The following FSIP2 variants were observed in gnomAD, a reference collection of about 807,000 sequenced individuals.
FSIP2 encodes fibrous sheath-interacting protein 2.
In FSIP2, 367 loss-of-function variants were observed where a neutral mutation model predicts 510.5. The ratio of observed to expected loss-of-function variants is 0.72; its 90% CI spans 0.66 to 0.78. The LOEUF is 0.78. FSIP2 is among the 30% of genes least tolerant of loss of function. The pLI, the probability that FSIP2 is intolerant of heterozygous loss-of-function variation, is 0.00. For missense variants in FSIP2, 7,594 were observed against 7,901.7 expected (o/e 0.96, Z 1.48); for synonymous variants, 2,601 against 2,732.2 (o/e 0.95, Z 1.50).
chr2:185,789,113 A>T lies in FSIP2; in HGVS notation c.1977A>T (p.Lys659Asn), dbSNP rs780041138. 1 of 1,535,098 alleles carries T rather than the reference A, an allele frequency of 6.5e-7. No homozygotes were observed. Among genetic ancestry groups the T allele is most frequent in the African/African-American group, 1.4e-5 (1 of 72,956 alleles). The change falls in exon 16 of 23, where the codon AAA (lysine) becomes AAT (asparagine). Residue 659 changes from lysine to asparagine, a missense_variant. Coordinates refer to ENST00000424728, the MANE Select transcript of FSIP2 (RefSeq NM_173651.4). ...CATCATTTGAAACAGGCACAAAAAA[A>T]TCTAAGGATGCTACCACTGAAACAG... The part of the protein sequence containing the change: ...LLASFETGTK[K>N]SKDATTETDS...
At chr2:185,753,574 C>T in intron 7 of FSIP2, 148 bp from the exon 8 acceptor site, 3 of 448,974 alleles carry the variant, frequency 6.7e-6, no homozygotes, top group South Asian at 4.1e-5. Context: ...GGAAATTTGC[C>T]CCTTACTACT....
chr2:185,738,543 G>A, upstream of FSIP2: 2 of 1,452,626 alleles, frequency 1.4e-6, no homozygotes, highest in Non-Finnish European at 1.9e-6. Context: ...CTCCTTGGAA[G>A]CCAGGGGAAA....
intron 7 of FSIP2, among the ~76,000 whole-genome samples, chr2:185,751,363 A>G (rs1260582961): frequency 6.6e-6 from 1 of 151,416 alleles, no homozygotes; most frequent in Non-Finnish European, 1.5e-5. Context: ...TACATGTAAT[A>G]TTAACATTGC....
At chr2:185,832,199 C>T (rs1316504084) in intron 22 of FSIP2, among the ~76,000 whole-genome samples, 1 of 151,780 alleles carries the variant, frequency 6.6e-6, no homozygotes, top group African/African-American at 2.4e-5. Flanking sequence ...AAGGTTATCC[C>T]ACAGCTAACA....
At position 185,824,481 on chromosome 2, in the gene FSIP2, G is replaced by T. The variant is rs1282256645; in HGVS notation, c.20473+1G>T. ...GACCCAAGTGCTAAAATATTAGAAG[G>T]TTGGACTCCTTTTTCTTAAATTAGA... On this transcript the variant is annotated splice_donor_variant, in intron 20 of 22. Transcript: ENST00000424728. LOFTEE classifies it high-confidence loss of function. 1 of 1,557,244 alleles carries T rather than the reference G, an allele frequency of 6.4e-7. No homozygotes were observed. The highest frequency in any genetic ancestry group is 2.3e-5 in the East Asian group (1 of 43,946).
At chr2:185,782,298 G>A (rs1405908535) in intron 13 of FSIP2, among the ~76,000 whole-genome samples, 1 of 36,390 alleles carries the variant, frequency 2.7e-5, no homozygotes, top group Admixed American at 2.4e-4. Context: ...TATTTATTCA[G>A]GTACGTATCA....
At chr2:185,741,558 T>C (rs1691922671) in intron 2 of FSIP2, among the ~76,000 whole-genome samples, 1 of 152,220 alleles carries the variant, frequency 6.6e-6, no homozygotes, top group Admixed American at 6.5e-5. Context: ...GAAAGAAATA[T>C]TCAATCTACT....
Position 185,792,946 on chromosome 2 carries a change from A to C in FSIP2, c.5810A>C (p.Lys1937Thr). 1 of 1,534,284 alleles carries C rather than the reference A, an allele frequency of 6.5e-7. No homozygotes were observed. The highest frequency in any genetic ancestry group is 8.7e-7 in the Non-Finnish European group (1 of 1,145,672). ...GAAACTTTTGCTACTTCCAAAGTAA[A>C]ATCTCTCTTTTATTCTCAAGTCAAC... ...NLETFATSKV[K>T]SLFYSQVNFT... Residue 1937 changes from lysine (K) to threonine (T), a missense_variant, in exon 16 of 23, where the codon AAA becomes ACA. Physicochemically the swap from Lys to Thr is moderately conservative, Grantham distance 78. Coordinates refer to ENST00000424728, the MANE Select transcript of FSIP2 (RefSeq NM_173651.4).
In FSIP2 at chr2:185,821,259, T is replaced by C. The variant is rs188456773; in HGVS notation, c.20427-3175T>C. Among the ~76,000 whole-genome samples the C allele has an allele frequency of 7.2e-5, 11 of 151,968 alleles. No individual in the cohort carries two copies. In the East Asian group the frequency reaches 2.0e-3, roughly 27 times the overall value. ...GTCAAGACTGAATTATGCTAAACTA[T>C]AGTGAACAAATTTAGAAACAGTAAA... On this transcript the variant is annotated intron_variant, in intron 19 of 22. Transcript: ENST00000424728.
At chr2:185,811,444 G>T (rs1405989704) in intron 17 of FSIP2, among the ~76,000 whole-genome samples, 1 of 150,480 alleles carries the variant, frequency 6.6e-6, no homozygotes, top group African/African-American at 2.4e-5. Context: ...TCTCCAGCCT[G>T]GGTGACAAAG....
intron 8 of FSIP2, among the ~76,000 whole-genome samples, chr2:185,755,573 ATGT>A (rs1692230682): frequency 6.6e-6 from 1 of 151,578 alleles, no homozygotes; most frequent in African/African-American, 2.4e-5. Context: ...CACTATGGTA[ATGT>A]TGTTATCTTC....
In FSIP2 at chr2:185,802,978, C is replaced by T; in HGVS notation, c.13672C>T (p.Gln4558Ter). The T allele has an allele frequency of 6.5e-7, 1 of 1,530,534 alleles. No homozygotes were observed. The highest frequency in any genetic ancestry group is 2.5e-5 in the East Asian group (1 of 40,804). 94.8% of individuals were successfully genotyped at this position (1,530,534 alleles called of 1,614,324 possible). A position where few individuals can be genotyped will look rare whatever the true frequency, so the allele number is the denominator to read the frequency against. ...FANVVQTSGS[Q>*]ESAVQNITSS... ...AAATGTTGTGCAAACCTCTGGTTCT[C>T]AAGAATCAGCTGTGCAAAATATCAC... The change falls in exon 17 of 23, where the codon CAA (glutamine) becomes TAA (stop). Residue 4558 changes from glutamine (Q) to a stop codon, truncating the protein, a stop_gained. Transcript: ENST00000424728. LOFTEE classifies it high-confidence loss of function.
chr2:185,737,749 G>C (rs988017081), upstream of FSIP2, among the ~76,000 whole-genome samples: 1 of 151,938 alleles, frequency 6.6e-6, no homozygotes, highest in African/African-American at 2.4e-5. Flanking sequence ...AGACAATTGT[G>C]GGATATCCAT....
At chr2:185,816,234 A>AT (rs35727958) in intron 19 of FSIP2, among the ~76,000 whole-genome samples, 15,549 of 147,920 alleles carry the variant, frequency 0.11, 848 homozygotes, top group Middle Eastern at 0.13. Context: ...CTGGAATTGC[A>AT]TTTTTTTTTT....
At chr2:185,785,963 T>C (rs2105603149) in intron 14 of FSIP2, among the ~76,000 whole-genome samples, 1 of 152,078 alleles carries the variant, frequency 6.6e-6, no homozygotes, top group Non-Finnish European at 1.5e-5. Context: ...AAACACAATG[T>C]AGGCATGGCT....
Position 185,795,770 on chromosome 2 carries a change from T to C in FSIP2, c.8634T>C (p.Tyr2878=), listed in dbSNP as rs201583518. ...EISIKAKELE[Y]SLSLLNLPPL... ...CAATAAAAGCAAAAGAATTAGAATA[T>C]TCTCTTTCACTTTTAAATTTGCCCC... The change falls in exon 16 of 23, where the codon TAT becomes TAC. Residue 2878 remains tyrosine (Y), a synonymous_variant. Transcript: ENST00000424728. The C allele has an allele frequency of 6.5e-7, 1 of 1,533,540 alleles. No homozygotes were observed. The highest frequency in any genetic ancestry group is 8.7e-7 in the Non-Finnish European group (1 of 1,145,074). 95.0% of individuals were successfully genotyped at this position (1,533,540 alleles called of 1,614,324 possible). A position where few individuals can be genotyped will look rare whatever the true frequency, so the allele number is the denominator to read the frequency against.
Position 185,808,210 on chromosome 2 carries a change from G to A in FSIP2, c.18904G>A (p.Val6302Ile), listed in dbSNP as rs1277617314. The A allele has an allele frequency of 2.5e-6, 4 of 1,610,896 alleles. No homozygotes were observed. Among genetic ancestry groups the A allele is most frequent in the Non-Finnish European group, 3.4e-6 (4 of 1,178,720 alleles). ...AISNSEFQPQ[V>I]EEEVSNSELV... ...TTCGAATTCTGAATTTCAACCTCAA[G>A]TAGAGGAAGAAGTATCAAATTCAGA... Residue 6302 changes from valine (V) to isoleucine (I), a missense_variant, in exon 17 of 23, where the codon GTA (valine) becomes ATA (isoleucine). Physicochemically the swap from Val to Ile is conservative, Grantham distance 29. Transcript: ENST00000424728.
Position 185,805,039 on chromosome 2 carries a change from T to C in FSIP2, c.15733T>C (p.Ser5245Pro). 2 of 1,598,016 alleles carry C rather than the reference T, an allele frequency of 1.3e-6. No individual in the cohort carries two copies. Among genetic ancestry groups the C allele is most frequent in the East Asian group, 4.5e-5 (2 of 44,578 alleles). The change falls in exon 17 of 23, where the codon TCA becomes CCA. Residue 5245 changes from serine to proline, a missense_variant. Ser to Pro is a moderately conservative substitution (Grantham distance 74, BLOSUM62 -1). Transcript: ENST00000424728. ...ACAGCCATTTTTACATGGTGAAGAATCATCTTTCAGTGACTTATCTGATTA... is the reference window on the plus strand; with the variant it reads ...ACAGCCATTTTTACATGGTGAAGAACCATCTTTCAGTGACTTATCTGATTA... ...HLQPFLHGEE[S>P]SFSDLSDYDH...
chr2:185,803,898 T>C lies in FSIP2; in HGVS notation c.14592T>C (p.Val4864=). ...CAGCAAAAGATATCCAGTCTATGGT[T>C]GATTCCATTTATGCTGATCTTTCTC... is the stretch of plus-strand genomic sequence containing the variant. The part of the protein sequence containing the change: ...MISAKDIQSM[V]DSIYADLSHS... The change falls in exon 17 of 23, where the codon GTT becomes GTC. Residue 4864 remains valine, a synonymous_variant. Coordinates refer to ENST00000424728, the MANE Select transcript of FSIP2 (RefSeq NM_173651.4). 1 of 1,526,398 alleles carries C rather than the reference T, an allele frequency of 6.6e-7. No homozygotes were observed. The highest frequency in any genetic ancestry group is 1.4e-5 in the African/African-American group (1 of 72,706). The allele number at this position is 1,526,398 out of a possible 1,614,324, so 94.6% of individuals were successfully genotyped here.
Sources: gnomAD v4.1 joint callset for allele counts (sites outside exome capture counted in the v4.1 genomes callset) on GRCh38, gnomAD v4.1.1 for gene constraint, MANE v1.5 for transcripts, NCBI Gene and HGNC (gene_info 2026-07-23, HGNC 2026-07-21) for gene names.